HS3ST1: variants seen among roughly 807,000 people sequenced by gnomAD.
HS3ST1 encodes heparan sulfate glucosamine 3-O-sulfotransferase 1.
In HS3ST1, 8 loss-of-function variants were observed where a neutral mutation model predicts 20.7. The observed-to-expected ratio is 0.39, with a 90% CI of 0.23 to 0.70. HS3ST1 has a LOEUF of 0.70. HS3ST1 is among the 30% of genes least tolerant of loss of function. The pLI is 0.46. For synonymous variants in HS3ST1, 205 were observed against 190.4 expected, an observed-to-expected ratio of 1.08 and a Z score of -0.63; for missense variants, 436 against 423.4, an observed-to-expected ratio of 1.03 and a Z score of -0.26.
At chr4:11,433,290 T>C (rs1217890523), upstream of HS3ST1, among the ~76,000 whole-genome samples, 1 of 152,320 alleles carries the variant, frequency 6.6e-6, no homozygotes. Flanking sequence ...GCAGATGATA[T>C]TGCAGAGGAG....
chr4:11,410,917 AT>A (rs1718612545), intron 1 of HS3ST1, among the ~76,000 whole-genome samples: 1 of 152,010 alleles, frequency 6.6e-6, no homozygotes, highest in Admixed American at 6.6e-5. Flanking sequence ...AAATAAATAA[AT>A]AAAAAAGTAG....
At chr4:11,413,633 A>G (rs560486113) in intron 1 of HS3ST1, among the ~76,000 whole-genome samples, 5 of 152,212 alleles carry the variant, frequency 3.3e-5, no homozygotes, top group African/African-American at 1.2e-4. Context: ...ACAACTTGGG[A>G]CCATGCAGGG....
rs527449595 is a variant in HS3ST1 at position 11,421,064 on chromosome 4, CAAATT to C, written c.-109+7630_-109+7634del. On this transcript the variant is annotated intron_variant, in intron 1 of 1. Coordinates refer to ENST00000002596, the MANE Select transcript of HS3ST1 (RefSeq NM_005114.4). ...CATTATTTGTTGTCTGTCTGAAACTCAAATTGAATTAGGTGTTCCGTATTTGTATT... is the reference window on the plus strand; with the variant it reads ...CATTATTTGTTGTCTGTCTGAAACTCGAATTAGGTGTTCCGTATTTGTATT... 1.8e-3 allele frequency among the ~76,000 whole-genome samples: 269 copies of C among 152,292 alleles called. 1 individual carries two copies. The highest frequency in any genetic ancestry group is 5.9e-3 in the African/African-American group (247 of 41,544).
At position 11,399,491 on chromosome 4, in the gene HS3ST1, G is replaced by A; in HGVS notation, c.515C>T (p.Pro172Leu). 3 of 1,614,048 alleles carry A rather than the reference G, an allele frequency of 1.9e-6. No homozygotes were observed. The highest frequency in any genetic ancestry group is 2.5e-6 in the Non-Finnish European group (3 of 1,180,004). The part of the protein sequence containing the change: ...YNHMQKHKPY[P>L]SIEEFLVRDG... Reference sequence around the variant, plus strand: ...GCGCACCAGGAACTCCTCGATGGACGGGTAGGGCTTGTGCTTCTGCATGTG... The same window carrying A: ...GCGCACCAGGAACTCCTCGATGGACAGGTAGGGCTTGTGCTTCTGCATGTG... The change falls in exon 2 of 2, where the codon CCG becomes CTG. Residue 172 changes from proline (P) to leucine (L), a missense_variant. By Grantham distance (98) the Pro-to-Leu change is moderately conservative (BLOSUM62 -3). Coordinates refer to ENST00000002596, the MANE Select transcript of HS3ST1 (RefSeq NM_005114.4). This position sits in a 1 kb window ranked among gnomAD's most constrained non-coding sequence, Gnocchi z 5.1.
upstream of HS3ST1, among the ~76,000 whole-genome samples, chr4:11,430,942 A>C (rs1472661560): frequency 1.3e-5 from 2 of 152,204 alleles, no homozygotes; most frequent in South Asian, 2.1e-4. Context: ...TTTTGTTCTT[A>C]CTTAGTTTTA....
Position 11,399,624 on chromosome 4 carries a change from T to G in HS3ST1, c.382A>C (p.Lys128Gln). ...EKTPAYFTSP[K>Q]VPERVYSMNP... ...ATGCTGTAGACTCGCTCAGGCACTT[T>G]GGGCGACGTGAAATACGCGGGGGTC... The change falls in exon 2 of 2, where the codon AAA (lysine) becomes CAA (glutamine). Residue 128 changes from lysine to glutamine, a missense_variant. By Grantham distance (53) the Lys-to-Gln change is moderately conservative (BLOSUM62 1). Transcript: ENST00000002596. The surrounding 1 kb of genome is among the most constrained non-coding windows in gnomAD (Gnocchi z 5.1). 2 of 1,613,868 alleles carry G rather than the reference T, an allele frequency of 1.2e-6. No homozygotes were observed. Among genetic ancestry groups the G allele is most frequent in the Non-Finnish European group, 1.7e-6 (2 of 1,180,014 alleles).
intron 1 of HS3ST1, among the ~76,000 whole-genome samples, chr4:11,418,287 A>G (rs1718839168): frequency 6.6e-6 from 1 of 152,226 alleles, no homozygotes; most frequent in African/African-American, 2.4e-5. Context: ...AATCAAAATC[A>G]GGCTTACCAG....
At chr4:11,420,819 C>A (rs1446331948) in intron 1 of HS3ST1, among the ~76,000 whole-genome samples, 1 of 152,174 alleles carries the variant, frequency 6.6e-6, no homozygotes, top group African/African-American at 2.4e-5. Context: ...CCTTCTCTTT[C>A]ATCTTGGACC....
chr4:11,430,936 G>A (rs967310495), upstream of HS3ST1, among the ~76,000 whole-genome samples: 1 of 152,146 alleles, frequency 6.6e-6, no homozygotes, highest in Admixed American at 6.5e-5. Flanking sequence ...TGGCTATTTT[G>A]TTCTTACTTA....
At chr4:11,400,699 A>T (rs1168888228) in intron 1 of HS3ST1, among the ~76,000 whole-genome samples, 1 of 152,216 alleles carries the variant, frequency 6.6e-6, no homozygotes, top group Non-Finnish European at 1.5e-5. Flanking sequence ...TCTTCCAGCC[A>T]GGGGCTCCTA....
chr4:11,399,346 G>GAGGC lies in HS3ST1; in HGVS notation c.656_659dup (p.Ile221ProfsTer8), dbSNP rs779473694. 1.2e-6 allele frequency: 2 copies of GAGGC among 1,614,066 alleles called. No individual in the cohort carries two copies. Among genetic ancestry groups the GAGGC allele is most frequent in the Admixed American group, 3.3e-5 (2 of 60,030 alleles). On this transcript the variant is annotated frameshift_variant, in exon 2 of 2. Transcript: ENST00000002596. LOFTEE classifies it high-confidence loss of function. The surrounding 1 kb of genome is among the most constrained non-coding windows in gnomAD (Gnocchi z 5.1). ...GGATCTCAGGGAAGGGGTCCCTGATGAGGCGGTCGCCGTCCACAATGTGGA... is the reference window on the plus strand; with the variant it reads ...GGATCTCAGGGAAGGGGTCCCTGATGAGGCAGGCGGTCGCCGTCCACAATGTGGA...
chr4:11,395,502 G>T lies in HS3ST1; in HGVS notation c.*3580C>A, dbSNP rs368040963. On this transcript the variant is annotated 3_prime_UTR_variant, in exon 2 of 2. Coordinates refer to ENST00000002596, the MANE Select transcript of HS3ST1 (RefSeq NM_005114.4). ...TTTTTTTTTTTTTTTTTTTGAGATG[G>T]AGTCTTGCTCTGTTGCCCAGGCTGG... is the stretch of plus-strand genomic sequence containing the variant. 43 of 120,800 alleles carry T rather than the reference G, an allele frequency of 3.6e-4. No individual in the cohort carries two copies. Among genetic ancestry groups the T allele is most frequent in the African/African-American group, 1.2e-3 (37 of 31,844 alleles). The allele number at this position is 120,800 out of a possible 1,614,324, so 7.5% of individuals were successfully genotyped here.
In HS3ST1 at chr4:11,393,279, G is replaced by A. The variant is rs1718050161; in HGVS notation, c.*5803C>T. On this transcript the variant is annotated 3_prime_UTR_variant, in exon 2 of 2. Transcript: ENST00000002596. Reference sequence around the variant, plus strand: ...GTTGAAATTTAAGTTTGATATTGATGCATTATACTATTTTGGTAGTCCGAT... The same window carrying A: ...GTTGAAATTTAAGTTTGATATTGATACATTATACTATTTTGGTAGTCCGAT... 3 of 152,198 alleles carry A rather than the reference G, an allele frequency of 2.0e-5. No homozygotes were observed. Among genetic ancestry groups the A allele is most frequent in the Admixed American group, 1.3e-4 (2 of 15,270 alleles). The allele number at this position is 152,198 out of a possible 1,614,324, so 9.4% of individuals were successfully genotyped here.
intron 1 of HS3ST1, among the ~76,000 whole-genome samples, chr4:11,410,167 G>T (rs765142482): frequency 2.0e-5 from 3 of 152,160 alleles, no homozygotes; most frequent in Non-Finnish European, 4.4e-5. Flanking sequence ...TTCTAAAATT[G>T]TACTGAGTCC....
chr4:11,395,409 C>G lies in HS3ST1; in HGVS notation c.*3673G>C, dbSNP rs948852687. 2.0e-5 allele frequency: 3 copies of G among 150,186 alleles called. No individual in the cohort carries two copies. The highest frequency in any genetic ancestry group is 7.3e-5 in the African/African-American group (3 of 40,866). 9.3% of individuals were successfully genotyped at this position (150,186 alleles called of 1,614,324 possible). ...TATTTCCCTGGAGTGAGCAAGAATC[C>G]TTTCTTCTGAAAAAAATGACTTGAA... On this transcript the variant is annotated 3_prime_UTR_variant, in exon 2 of 2. Coordinates refer to ENST00000002596, the MANE Select transcript of HS3ST1 (RefSeq NM_005114.4).
chr4:11,399,205 A>G lies in HS3ST1; in HGVS notation c.801T>C (p.His267=), dbSNP rs1174463584. 1.2e-6 allele frequency: 2 copies of G among 1,614,180 alleles called. No homozygotes were observed. The highest frequency in any genetic ancestry group is 3.3e-5 in the Admixed American group (2 of 60,026). The part of the protein sequence containing the change: ...LRDSGRDRCL[H]ESKGRAHPQV... ...GGGGGTGCGCCCGGCCTTTGGACTC[A>G]TGTAAGCAGCGGTCCCGGCCGCTGT... Residue 267 remains histidine, a synonymous_variant, in exon 2 of 2, where the codon CAT becomes CAC. Transcript: ENST00000002596. The surrounding 1 kb of genome is among the most constrained non-coding windows in gnomAD (Gnocchi z 5.1).
chr4:11,402,834 A>G (rs1267764916), intron 1 of HS3ST1, among the ~76,000 whole-genome samples: 1 of 152,240 alleles, frequency 6.6e-6, no homozygotes, highest in Non-Finnish European at 1.5e-5. Flanking sequence ...TGTAGTGTAC[A>G]TCTGAGGTTT....
chr4:11,399,705 C>T lies in HS3ST1; in HGVS notation c.301G>A (p.Gly101Ser). The stretch of plus-strand genomic sequence containing the variant: ...AAGGGCATCTGGCTGAGGTACCAGC[C>T]CAAGCCGTGGCTGTAATGCTCCTCC... Reference protein sequence around the residue: ...DWEEHYSHGLGWYLSQMPFSW... With the variant: ...DWEEHYSHGLSWYLSQMPFSW... The change falls in exon 2 of 2, where the codon GGC (glycine) becomes AGC (serine). Residue 101 changes from glycine to serine, a missense_variant. Transcript: ENST00000002596. The surrounding 1 kb of genome is among the most constrained non-coding windows in gnomAD (Gnocchi z 5.1). The T allele has an allele frequency of 4.3e-6, 7 of 1,613,862 alleles. No homozygotes were observed. The highest frequency in any genetic ancestry group is 5.1e-6 in the Non-Finnish European group (6 of 1,180,038).
At chr4:11,408,873 C>T (rs1718540143) in intron 1 of HS3ST1, among the ~76,000 whole-genome samples, 1 of 152,244 alleles carries the variant, frequency 6.6e-6, no homozygotes, top group Non-Finnish European at 1.5e-5. Flanking sequence ...GACTGAGCCT[C>T]TGAGAGGTGC....
Sources: gnomAD v4.1 joint callset for allele counts (sites outside exome capture counted in the v4.1 genomes callset) on GRCh38, gnomAD v4.1.1 for gene constraint, Gnocchi (gnomAD v3.1) non-coding constraint, MANE v1.5 for transcripts, NCBI Gene and HGNC (gene_info 2026-07-23, HGNC 2026-07-21) for gene names.